Variants in SDK1 observed in about 807,000 individuals in gnomAD.
The protein encoded by SDK1 is sidekick cell adhesion molecule 1.
A neutral mutation model predicts 245.5 loss-of-function variants in SDK1; 157 were observed. The ratio of observed to expected loss-of-function variants is 0.64; its 90% CI spans 0.56 to 0.73. SDK1 has a LOEUF of 0.73. Ranked by LOEUF, SDK1 falls within the 30% of genes least tolerant of loss-of-function variation. SDK1 has a pLI of 0.00. For synonymous variants in SDK1, 1,647 were observed against 1,278.5 expected (o/e 1.29, Z -6.15); for missense variants, 3,583 against 3,002.3 (o/e 1.19, Z -4.52).
intron 1 of SDK1, among the ~76,000 whole-genome samples, chr7:3,521,172 T>A (rs1220637568): frequency 6.6e-6 from 1 of 152,174 alleles, no homozygotes; most frequent in Non-Finnish European, 1.5e-5. Flanking sequence ...TCCCTTCGTG[T>A]TTTCCATGTG....
intron 1 of SDK1, among the ~76,000 whole-genome samples, chr7:3,589,483 A>G (rs953181565): frequency 3.9e-5 from 6 of 152,294 alleles, no homozygotes; most frequent in African/African-American, 1.4e-4. Flanking sequence ...TGCTGTGAGC[A>G]CCATTTTTGG....
At position 4,241,912 on chromosome 7, in the gene SDK1, A is replaced by C; in HGVS notation, c.6250A>C (p.Arg2084=). 1 of 1,612,910 alleles carries C rather than the reference A, an allele frequency of 6.2e-7. No homozygotes were observed. The highest frequency in any genetic ancestry group is 8.5e-7 in the Non-Finnish European group (1 of 1,180,012). Residue 2084 remains arginine, a splice_region_variant and synonymous_variant, in exon 43 of 45, where the codon AGG becomes CGG. Coordinates refer to ENST00000404826, the MANE Select transcript of SDK1 (RefSeq NM_152744.4). The part of the protein sequence containing the change: ...KSTFSKKNGT[R]SPPRPSPGGL... ...CACCTTCTCCAAGAAGAACGGGACC[A>C]GGTAGGCAGGCAGTGCTGTGCTGCG...
rs556644212 is a variant in SDK1, at chr7:3,384,197, C to CA, written c.298+82315dup. Among the ~76,000 whole-genome samples the CA allele has an allele frequency of 4.2e-3, 635 of 151,862 alleles. 9 individuals are homozygous for CA. The highest frequency in any genetic ancestry group is 0.018 in the South Asian group (87 of 4,808). ...AAGCTTTTATTTTATCTTTAAATGC[C>CA]AACTTTATTATGTATTTCTTAAAAT... On this transcript the variant is annotated intron_variant, in intron 1 of 44. Coordinates refer to ENST00000404826, the MANE Select transcript of SDK1 (RefSeq NM_152744.4).
chr7:3,967,633 C>A (rs1379725213), intron 10 of SDK1, among the ~76,000 whole-genome samples, 199 bp downstream of exon 10: 6 of 152,232 alleles, frequency 3.9e-5, no homozygotes, highest in Non-Finnish European at 8.8e-5. Flanking sequence ...TCCATGGTCT[C>A]CAGTGGGGGC....
At chr7:4,106,746 T>C (rs1420147299) in intron 22 of SDK1, among the ~76,000 whole-genome samples, 1 of 152,062 alleles carries the variant, frequency 6.6e-6, no homozygotes, top group African/African-American at 2.4e-5. Flanking sequence ...CGTGCCTTTC[T>C]CTCCCGGGCA....
intron 5 of SDK1, among the ~76,000 whole-genome samples, chr7:3,884,086 T>TC (rs1229007186): frequency 1.0e-5 from 1 of 99,868 alleles, no homozygotes; most frequent in East Asian, 2.5e-4. Context: ...TTTTTTTGTT[T>TC]TTTTTTTTTT....
chr7:4,108,905 C>T (rs1783137063), intron 22 of SDK1, among the ~76,000 whole-genome samples: 2 of 152,182 alleles, frequency 1.3e-5, no homozygotes, highest in South Asian at 2.1e-4. Flanking sequence ...CTGGACATTT[C>T]GTAAACTGGA....
At chr7:4,137,329 A>C (rs193247176) in intron 28 of SDK1, among the ~76,000 whole-genome samples, 15 of 152,304 alleles carry the variant, frequency 9.8e-5, no homozygotes, top group African/African-American at 3.6e-4. Context: ...GTCCGGATAG[A>C]AGTCTCCAAA....
chr7:3,370,597 C>T (rs896875071), intron 1 of SDK1, among the ~76,000 whole-genome samples: 3 of 152,138 alleles, frequency 2.0e-5, no homozygotes, highest in Non-Finnish European at 2.9e-5. Flanking sequence ...TCCAAATTCT[C>T]GTTAAAACGT....
At chr7:3,712,032 G>A (rs770883162) in intron 4 of SDK1, among the ~76,000 whole-genome samples, 3 of 152,186 alleles carry the variant, frequency 2.0e-5, no homozygotes, top group African/African-American at 4.8e-5. Context: ...CATGTGAAAC[G>A]GTTAATCCAG....
At position 3,357,326 on chromosome 7, in the gene SDK1, G is replaced by GTTTTTTTTTTTT. The variant is rs1780826215; in HGVS notation, c.298+55443_298+55444insTTTTTTTTTTTT. On this transcript the variant is annotated intron_variant, in intron 1 of 44. Coordinates refer to ENST00000404826, the MANE Select transcript of SDK1 (RefSeq NM_152744.4). Reference sequence around the variant, plus strand: ...TTTTACTCTTGCTCCCCTTCTTTTAGTGTTTTTTTTTTTTTTTTTTTTTTT... The same window carrying GTTTTTTTTTTTT: ...TTTTACTCTTGCTCCCCTTCTTTTAGTTTTTTTTTTTTTGTTTTTTTTTTTTTTTTTTTTTTT... Among the ~76,000 whole-genome samples, 2 of 50,102 alleles carry GTTTTTTTTTTTT rather than the reference G, an allele frequency of 4.0e-5. 1 individual carries two copies. 32.9% of individuals were successfully genotyped at this position (50,102 alleles called of 152,430 possible).
At chr7:3,392,986 T>TG (rs1193111697) in intron 1 of SDK1, among the ~76,000 whole-genome samples, 13 of 148,100 alleles carry the variant, frequency 8.8e-5, no homozygotes, top group African/African-American at 2.5e-4. Context: ...TTTTTCTTTT[T>TG]TGAGATGGAG....
intron 2 of SDK1, among the ~76,000 whole-genome samples, chr7:3,621,782 C>G (rs979867887): frequency 6.6e-6 from 1 of 152,110 alleles, no homozygotes; most frequent in South Asian, 2.1e-4. Context: ...TCAAAGTTCC[C>G]ACTATTAAAG....
intron 41 of SDK1, 71 bp from the exon 42 acceptor site, chr7:4,237,576 C>T (rs1313225296): frequency 3.8e-6 from 6 of 1,581,826 alleles, no homozygotes; most frequent in East Asian, 4.5e-5. Flanking sequence ...TGCCAACCAC[C>T]TGACTCGCGG....
intron 1 of SDK1, among the ~76,000 whole-genome samples, chr7:3,379,845 C>T (rs564012945): frequency 2.6e-5 from 4 of 152,234 alleles, no homozygotes; most frequent in African/African-American, 9.6e-5. Context: ...AAACTGAGTG[C>T]TCATTGGAGC....
chr7:3,673,697 C>T (rs1210402968), intron 4 of SDK1, among the ~76,000 whole-genome samples: 1 of 152,126 alleles, frequency 6.6e-6, no homozygotes, highest in African/African-American at 2.4e-5. Flanking sequence ...CAGTCATTGA[C>T]CTGGAGGGCC....
chr7:3,706,462 C>T (rs907400642), intron 4 of SDK1, among the ~76,000 whole-genome samples: 7 of 152,140 alleles, frequency 4.6e-5, no homozygotes, highest in Admixed American at 1.3e-4. Flanking sequence ...AGTGCAGTGG[C>T]ACGATCTCAG....
At chr7:3,382,553 T>G (rs1248058940) in intron 1 of SDK1, among the ~76,000 whole-genome samples, 1 of 152,182 alleles carries the variant, frequency 6.6e-6, no homozygotes, top group African/African-American at 2.4e-5. Flanking sequence ...TTGCCCTAAG[T>G]GTTTTGATTG....
At chr7:3,428,663 A>G (rs982143140) in intron 1 of SDK1, among the ~76,000 whole-genome samples, 4 of 152,196 alleles carry the variant, frequency 2.6e-5, no homozygotes, top group African/African-American at 7.2e-5. Context: ...CTAACCATGT[A>G]AGACTGCCAA....
Sources: gnomAD v4.1 joint callset for allele counts (sites outside exome capture counted in the v4.1 genomes callset) on GRCh38, gnomAD v4.1.1 for gene constraint, MANE v1.5 for transcripts, NCBI Gene and HGNC (gene_info 2026-07-23, HGNC 2026-07-21) for gene names.